The following FKBP15 variants were observed in gnomAD, a reference collection of about 807,000 sequenced individuals.
The protein encoded by FKBP15 is FK506-binding protein 15.
A neutral mutation model predicts 158.1 loss-of-function variants in FKBP15; 106 were observed. The observed-to-expected ratio is 0.67, with a 90% CI of 0.57 to 0.79. The LOEUF (loss-of-function observed/expected upper bound fraction) is 0.79, where lower values mean the gene tolerates loss of function less well. Ranked by LOEUF, FKBP15 falls within the 30% of genes least tolerant of loss-of-function variation. FKBP15 has a pLI of 0.00. For missense variants in FKBP15, 1,287 were observed against 1,479.1 expected (o/e 0.87, Z 2.13); for synonymous variants, 547 against 548.6 (o/e 1.00, Z 0.04).
rs1466096339 is a variant in FKBP15, at chr9:113,198,308, T to A, written c.717+547A>T. Among the ~76,000 whole-genome samples, 3 of 152,284 alleles carry A rather than the reference T, an allele frequency of 2.0e-5. No individual in the cohort carries two copies. In the East Asian group the frequency reaches 5.8e-4, roughly 29 times the overall value. ...AAATAATATTCTCAGAGTCATAGAA[T>A]GGAAAAGAAAAGGTCAGGACTACAG... On this transcript the variant is annotated intron_variant, in intron 8 of 27. Coordinates refer to ENST00000238256, the MANE Select transcript of FKBP15 (RefSeq NM_015258.2). The surrounding 1 kb of genome is among the most constrained non-coding windows in gnomAD (Gnocchi z 5.2).
Position 113,198,899 on chromosome 9 carries a change from C to A in FKBP15, c.673G>T (p.Asp225Tyr). ...CCTAACTTCAAGCGAAGCAACTTAT[C>A]TTTGTTAGCAGTGGAGTCGAAAACC... Reference protein sequence around the residue: ...GQVFDSTANKDKLLRLKLGSG... With the variant: ...GQVFDSTANKYKLLRLKLGSG... Residue 225 changes from aspartate (D) to tyrosine (Y), a missense_variant, in exon 8 of 28, where the codon GAT becomes TAT. Asp to Tyr is a radical substitution (Grantham distance 160). Transcript: ENST00000238256. This position sits in a 1 kb window ranked among gnomAD's most constrained non-coding sequence, Gnocchi z 5.2. 6.2e-7 allele frequency: 1 copy of A among 1,605,456 alleles called. No homozygotes were observed. Among genetic ancestry groups the A allele is most frequent in the Admixed American group, 1.7e-5 (1 of 58,976 alleles).
intron 9 of FKBP15, among the ~76,000 whole-genome samples, chr9:113,194,693 T>C (rs992032537): frequency 1.3e-5 from 2 of 152,224 alleles, no homozygotes; most frequent in African/African-American, 4.8e-5. Context: ...TAACCTGTTT[T>C]GCTCACTCAC....
Position 113,169,728 on chromosome 9 carries a change from A to C in FKBP15, c.2981T>G (p.Leu994Trp), listed in dbSNP as rs1456696270. 3.1e-6 allele frequency: 5 copies of C among 1,613,500 alleles called. No homozygotes were observed. The East Asian group carries it at 1.1e-4, about 36-fold the overall frequency. ...GGAAGTGGTGAGGGCCTGAGGAGGCAACGGGACAGCTTCCTCGACCACCTG... is the reference window on the plus strand; with the variant it reads ...GGAAGTGGTGAGGGCCTGAGGAGGCCACGGGACAGCTTCCTCGACCACCTG... ...SEQVVEEAVP[L>W]PPQALTTSQD... Residue 994 changes from leucine to tryptophan, a missense_variant, in exon 26 of 28, where the codon TTG (leucine) becomes TGG (tryptophan). Leu to Trp is a moderately conservative substitution (Grantham distance 61, BLOSUM62 -2). Coordinates refer to ENST00000238256, the MANE Select transcript of FKBP15 (RefSeq NM_015258.2).
At position 113,208,417 on chromosome 9, in the gene FKBP15, C is replaced by T. The variant is rs908289919; in HGVS notation, c.170-1121G>A. 2.6e-5 allele frequency among the ~76,000 whole-genome samples: 4 copies of T among 152,234 alleles called. No individual in the cohort carries two copies. In the East Asian group the frequency reaches 5.8e-4, roughly 22 times the overall value. The stretch of plus-strand genomic sequence containing the variant: ...CAAATACCATGTTAAGAGTAAATCA[C>T]ATTTATACTCACTATATGAATGTGA... On this transcript the variant is annotated intron_variant, in intron 2 of 27. Coordinates refer to ENST00000238256, the MANE Select transcript of FKBP15 (RefSeq NM_015258.2).
chr9:113,218,389 A>ATATATATATATC (rs1831187496), intron 1 of FKBP15, among the ~76,000 whole-genome samples: 1 of 41,784 alleles, frequency 2.4e-5, no homozygotes, highest in East Asian at 7.4e-4. Flanking sequence ...ATATATATAT[A>ATATATATATATC]TATATATATA....
At chr9:113,212,123 C>A (rs1014329639) in intron 1 of FKBP15, among the ~76,000 whole-genome samples, 3 of 152,198 alleles carry the variant, frequency 2.0e-5, no homozygotes, top group African/African-American at 7.2e-5. Context: ...TCATCCCTTG[C>A]AAGAAATCTT....
intron 2 of FKBP15, among the ~76,000 whole-genome samples, chr9:113,211,053 T>C (rs1325899444): frequency 6.6e-6 from 1 of 152,250 alleles, no homozygotes; most frequent in East Asian, 1.9e-4. Context: ...CATGGGGCTT[T>C]ACCTTGTGAT....
intron 24 of FKBP15, among the ~76,000 whole-genome samples, chr9:113,171,003 C>A (rs976559410): frequency 6.6e-6 from 1 of 152,250 alleles, no homozygotes; most frequent in Non-Finnish European, 1.5e-5. Context: ...CCCCATTCTT[C>A]TTCTGTGGTT....
At position 113,174,417 on chromosome 9, in the gene FKBP15, T is replaced by A; in HGVS notation, c.2379+11A>T. On this transcript the variant is annotated intron_variant, in intron 22 of 27. Coordinates refer to ENST00000238256, the MANE Select transcript of FKBP15 (RefSeq NM_015258.2). ...TCCCTCTATTTTCAAAGTGCTTCAGTTTCCCATTACCTGCTCTGCAGCTGC... is the reference window on the plus strand; with the variant it reads ...TCCCTCTATTTTCAAAGTGCTTCAGATTCCCATTACCTGCTCTGCAGCTGC... 6.2e-7 allele frequency: 1 copy of A among 1,612,204 alleles called. No homozygotes were observed. Among genetic ancestry groups the A allele is most frequent in the Non-Finnish European group, 8.5e-7 (1 of 1,179,036 alleles).
chr9:113,178,280 C>G (rs534393234), intron 20 of FKBP15, among the ~76,000 whole-genome samples: 7 of 152,238 alleles, frequency 4.6e-5, no homozygotes, highest in Non-Finnish European at 7.4e-5. Context: ...AAAGAAGAAA[C>G]CACACCAGGA....
chr9:113,197,888 T>C (rs1390186162), intron 8 of FKBP15, among the ~76,000 whole-genome samples: 1 of 152,220 alleles, frequency 6.6e-6, no homozygotes, highest in Non-Finnish European at 1.5e-5. Flanking sequence ...TCAGTGATCA[T>C]GACTTAACTG....
chr9:113,171,748 G>GAT (rs771145900), intron 23 of FKBP15, 42 bp from the exon 24 acceptor site: 2 of 1,442,750 alleles, frequency 1.4e-6, no homozygotes, highest in Admixed American at 2.3e-5. Context: ...CAGGAACCAG[G>GAT]TGAAGGTCAG....
In FKBP15 at chr9:113,184,729, T is replaced by G. The variant is rs570275470; in HGVS notation, c.1574A>C (p.Lys525Thr). Residue 525 changes from lysine to threonine, a missense_variant, in exon 16 of 28, where the codon AAA becomes ACA. Coordinates refer to ENST00000238256, the MANE Select transcript of FKBP15 (RefSeq NM_015258.2). The surrounding 1 kb of genome is among the most constrained non-coding windows in gnomAD (Gnocchi z 4.5). ...HNTEIRMAVS[K>T]VADKMDHLMT... ...GAGATGATCCATTTTATCAGCCACT[T>G]TGCTGACTGCCATTCGAATTTCAGT... The G allele has an allele frequency of 1.9e-6, 3 of 1,608,704 alleles. No individual in the cohort carries two copies. In the African/African-American group the frequency reaches 4.0e-5, roughly 21 times the overall value.
chr9:113,207,036 C>G, intron 3 of FKBP15, 176 bp downstream of exon 3: 1 of 585,358 alleles, frequency 1.7e-6, no homozygotes, highest in African/African-American at 1.9e-5. Context: ...AAGATAATGG[C>G]TTTTCAAGTT....
chr9:113,191,093 G>A (rs1451878093), intron 11 of FKBP15, among the ~76,000 whole-genome samples: 2 of 152,104 alleles, frequency 1.3e-5, no homozygotes, highest in African/African-American at 2.4e-5. Flanking sequence ...CAAAATTTCA[G>A]AATGGCAAGT....
chr9:113,197,217 C>T (rs1275661932), intron 8 of FKBP15, 139 bp from the exon 9 acceptor site: 1 of 915,836 alleles, frequency 1.1e-6, no homozygotes, highest in Non-Finnish European at 1.7e-6. Flanking sequence ...GACTACTGCC[C>T]CATGTTGGTA....
intron 20 of FKBP15, 123 bp from the exon 21 acceptor site, chr9:113,176,796 T>C: frequency 9.7e-7 from 1 of 1,033,358 alleles, no homozygotes; most frequent in East Asian, 2.6e-5. Context: ...TCACTCAGGC[T>C]GGAGTGCAGT....
At position 113,184,564 on chromosome 9, in the gene FKBP15, A is replaced by G; in HGVS notation, c.1608+131T>C. Reference sequence around the variant, plus strand: ...ACTAACTGGATCCCAACATAATTATAACTATCCTTGTAGGGAAATAACCTC... The same window carrying G: ...ACTAACTGGATCCCAACATAATTATGACTATCCTTGTAGGGAAATAACCTC... On this transcript the variant is annotated intron_variant, in intron 16 of 27. Transcript: ENST00000238256. This position sits in a 1 kb window ranked among gnomAD's most constrained non-coding sequence, Gnocchi z 4.5. 1.1e-6 allele frequency: 1 copy of G among 923,672 alleles called. No homozygotes were observed. Among genetic ancestry groups the G allele is most frequent in the Non-Finnish European group, 1.7e-6 (1 of 591,374 alleles). 57.2% of individuals were successfully genotyped at this position (923,672 alleles called of 1,614,324 possible).
chr9:113,166,256 G>A lies in FKBP15; in HGVS notation c.3583-101C>T, dbSNP rs1324118967. On this transcript the variant is annotated intron_variant, in intron 27 of 27. Transcript: ENST00000238256. ...ATCCAACTTCTGTTCCCAGCTCTGG[G>A]TCAGAAAGGAGGTTGTACTGACAGG... The A allele has an allele frequency of 7.2e-6, 8 of 1,107,664 alleles. No homozygotes were observed. In the East Asian group the frequency reaches 1.8e-4, roughly 25 times the overall value. 68.6% of individuals were successfully genotyped at this position (1,107,664 alleles called of 1,614,324 possible). A position where few individuals can be genotyped will look rare whatever the true frequency, so the allele number is the denominator to read the frequency against.
Sources: allele counts gnomAD v4.1 joint callset (sites outside exome capture counted in the v4.1 genomes callset), GRCh38; gene constraint gnomAD v4.1.1; non-coding constraint Gnocchi (gnomAD v3.1); transcripts MANE v1.5; gene names NCBI Gene and HGNC (gene_info 2026-07-23, HGNC 2026-07-21).